The following KCNH4 variants were observed in gnomAD, a reference collection of about 807,000 sequenced individuals.
KCNH4 encodes the protein voltage-gated delayed rectifier potassium channel KCNH4.
Under a neutral mutation model 90.7 loss-of-function variants are expected in KCNH4, and 33 were observed. The ratio of observed to expected loss-of-function variants is 0.36; its 90% CI spans 0.28 to 0.49. The LOEUF (loss-of-function observed/expected upper bound fraction) is 0.49. Among genes scored for constraint, KCNH4 ranks in the 20% least tolerant of loss-of-function variants. KCNH4 has a pLI of 0.98. For missense variants in KCNH4, 1,044 were observed against 1,387.1 expected, an observed-to-expected ratio of 0.75 and a Z score of 3.93; for synonymous variants, 551 against 581.7, an observed-to-expected ratio of 0.95 and a Z score of 0.76.
At chr17:42,169,697 C>T in intron 8 of KCNH4, 21 bp from the exon 9 acceptor site, 1 of 1,609,552 alleles carries the variant, frequency 6.2e-7, no homozygotes, top group Non-Finnish European at 8.5e-7. Context: ...AGCAGCGGGC[C>T]TGTCAGGGGC....
intron 9 of KCNH4, among the ~76,000 whole-genome samples, chr17:42,168,224 A>G (rs532114932): frequency 6.6e-6 from 1 of 152,292 alleles, no homozygotes; most frequent in Non-Finnish European, 1.5e-5. Flanking sequence ...GCTAAGTGTC[A>G]TCATCTCTAA....
In KCNH4 at chr17:42,166,392, T is replaced by C. The variant is rs1233581630; in HGVS notation, c.1745A>G (p.Tyr582Cys). 2 of 1,613,922 alleles carry C rather than the reference T, an allele frequency of 1.2e-6. No individual in the cohort carries two copies. Among genetic ancestry groups the C allele is most frequent in the South Asian group, 1.1e-5 (1 of 91,072 alleles). Residue 582 changes from tyrosine (Y) to cysteine (C), a missense_variant, in exon 10 of 17, where the codon TAC becomes TGC. By Grantham distance (194) the Tyr-to-Cys change is radical. Around this residue, in one of 4 missense-constraint regions of KCNH4, gnomAD observed 318 missense variants for 479.6 expected, o/e 0.66. Coordinates refer to ENST00000264661, the MANE Select transcript of KCNH4 (RefSeq NM_012285.3). ...CAGGGCATCCCCACGGCGCAACAGG[T>C]ACTCGCCCGGAGCGCAGAACGAGGT... Reference protein sequence around the residue: ...IKTSFCAPGEYLLRRGDALQA... With the variant: ...IKTSFCAPGECLLRRGDALQA...
intron 15 of KCNH4, among the ~76,000 whole-genome samples, chr17:42,161,438 G>A (rs1397651938): frequency 6.6e-6 from 1 of 152,228 alleles, no homozygotes; most frequent in African/African-American, 2.4e-5. Flanking sequence ...GGCTGGGCCT[G>A]GTTGCTCTGC....
chr17:42,169,346 C>T, intron 9 of KCNH4, 131 bp downstream of exon 9: 1 of 831,172 alleles, frequency 1.2e-6, no homozygotes, highest in Non-Finnish European at 1.9e-6. Flanking sequence ...TCCCAAAGTG[C>T]TGGGATTACA....
At chr17:42,161,060 G>A (rs929530581) in intron 15 of KCNH4, among the ~76,000 whole-genome samples, 1 of 151,126 alleles carries the variant, frequency 6.6e-6, no homozygotes, top group Non-Finnish European at 1.5e-5. Flanking sequence ...CCAAGTAGCC[G>A]AGACTATAGG....
rs752937340 is a variant in KCNH4, at chr17:42,160,013, C to G, written c.*27G>C. 2 of 1,483,154 alleles carry G rather than the reference C, an allele frequency of 1.3e-6. No homozygotes were observed. Among genetic ancestry groups the G allele is most frequent in the African/African-American group, 1.4e-5 (1 of 70,900 alleles). The allele number at this position is 1,483,154 out of a possible 1,614,324, so 91.9% of individuals were successfully genotyped here. A position where few individuals can be genotyped will look rare whatever the true frequency, so the allele number is the denominator to read the frequency against. On this transcript the variant is annotated 3_prime_UTR_variant, in exon 16 of 17. Transcript: ENST00000264661. ...GAGTGGTGAGCGGCAGCGCCCACCC[C>G]AGACAGGCCTGGGCCCTGGGCCAGG...
chr17:42,163,570 G>T lies in KCNH4; in HGVS notation c.2477+36C>A. 1.0e-6 allele frequency: 1 copy of T among 995,484 alleles called. No homozygotes were observed. 61.7% of individuals were successfully genotyped at this position (995,484 alleles called of 1,614,324 possible). On this transcript the variant is annotated intron_variant, in intron 13 of 16. Transcript: ENST00000264661. This position sits in a 1 kb window ranked among gnomAD's most constrained non-coding sequence, Gnocchi z 5.4. ...CCAGAGAAGGTTCTGGAAGCCAATAGGGGTTTTGGGAAAGCAGGGGAGGCT... is the reference window on the plus strand; with the variant it reads ...CCAGAGAAGGTTCTGGAAGCCAATATGGGTTTTGGGAAAGCAGGGGAGGCT...
At chr17:42,166,005 C>G (rs1318497672) in intron 10 of KCNH4, among the ~76,000 whole-genome samples, 2 of 151,712 alleles carry the variant, frequency 1.3e-5, no homozygotes, top group African/African-American at 4.9e-5. Context: ...TTTAGGGTCA[C>G]TGGGGAAAGG....
intron 7 of KCNH4, among the ~76,000 whole-genome samples, chr17:42,171,104 TG>T: frequency 6.6e-6 from 1 of 151,768 alleles, no homozygotes; most frequent in South Asian, 2.1e-4. Flanking sequence ...AGGAGTGTAG[TG>T]GGTCAACGTT....
At chr17:42,171,754 G>A in intron 7 of KCNH4, 34 bp downstream of exon 7, 1 of 1,604,610 alleles carries the variant, frequency 6.2e-7, no homozygotes, top group Non-Finnish European at 8.5e-7. Context: ...CAGGTGGACA[G>A]GTGGTCTGTG....
intron 10 of KCNH4, 40 bp downstream of exon 10, chr17:42,166,257 T>A (rs1223230069): frequency 6.5e-7 from 1 of 1,543,638 alleles, no homozygotes; most frequent in Admixed American, 1.9e-5. Flanking sequence ...TTGCGGGGGG[T>A]GGTTCCAGGG....
chr17:42,169,337 C>T (rs565598321), intron 9 of KCNH4, 140 bp downstream of exon 9: 2 of 780,704 alleles, frequency 2.6e-6, no homozygotes, highest in East Asian at 5.4e-5. Context: ...GCCTCAGCCT[C>T]CCAAAGTGCT....
At chr17:42,167,400 G>A (rs954842469) in intron 9 of KCNH4, among the ~76,000 whole-genome samples, 9 of 152,102 alleles carry the variant, frequency 5.9e-5, no homozygotes, top group Non-Finnish European at 2.9e-5. Context: ...CCGAGTAGGT[G>A]GGATTACAAG....
chr17:42,165,733 G>T, intron 10 of KCNH4, 40 bp from the exon 11 acceptor site: 1 of 1,611,086 alleles, frequency 6.2e-7, no homozygotes, highest in African/African-American at 1.3e-5. Flanking sequence ...GGGGCAGTGA[G>T]AACGAAAGGA....
rs1042885781 is a variant in KCNH4 at position 42,170,441 on chromosome 17, T to G, written c.1196-140A>C. The G allele has an allele frequency of 1.8e-5, 12 of 667,206 alleles. No individual in the cohort carries two copies. In the African/African-American group the frequency reaches 2.2e-4, roughly 12 times the overall value. The allele number at this position is 667,206 out of a possible 1,614,324, so 41.3% of individuals were successfully genotyped here. ...AAATGTGGGGAGTGGCCTGGGCCTGTGTCTCCCCATGGTGCATTGGTTACA... is the reference window on the plus strand; with the variant it reads ...AAATGTGGGGAGTGGCCTGGGCCTGGGTCTCCCCATGGTGCATTGGTTACA... On this transcript the variant is annotated intron_variant, in intron 7 of 16. Transcript: ENST00000264661.
intron 4 of KCNH4, among the ~76,000 whole-genome samples, chr17:42,177,211 A>G (rs1052943883): frequency 6.6e-6 from 1 of 151,828 alleles, no homozygotes; most frequent in African/African-American, 2.4e-5. Context: ...CACCATACCC[A>G]TCTAACTTTG....
intron 9 of KCNH4, 56 bp downstream of exon 9, chr17:42,169,421 C>T: frequency 6.5e-7 from 1 of 1,531,520 alleles, no homozygotes; most frequent in East Asian, 2.3e-5. Context: ...TCCTTCCCCA[C>T]CCCACTGCAG....
chr17:42,166,733 A>G (rs1227777659), intron 9 of KCNH4, among the ~76,000 whole-genome samples, 187 bp from the exon 10 acceptor site: 1 of 151,946 alleles, frequency 6.6e-6, no homozygotes, highest in Non-Finnish European at 1.5e-5. Context: ...TCACAACCCA[A>G]TTTCAGGGGC....
intron 8 of KCNH4, 27 bp downstream of exon 8, chr17:42,170,080 A>G (rs1206100353): frequency 5.7e-6 from 9 of 1,565,402 alleles, no homozygotes; most frequent in Non-Finnish European, 7.8e-6. Flanking sequence ...GCAGGGCCCC[A>G]CTGAGGCGTG....
Sources: gnomAD v4.1 joint callset for allele counts (sites outside exome capture counted in the v4.1 genomes callset) on GRCh38, gnomAD v4.1.1 for gene constraint, gnomAD v4.1.1 regional missense constraint, Gnocchi (gnomAD v3.1) non-coding constraint, MANE v1.5 for transcripts, NCBI Gene and HGNC (gene_info 2026-07-23, HGNC 2026-07-21) for gene names.